The following ANK2 variants were observed in gnomAD, a reference collection of about 807,000 sequenced individuals.
ANK2 encodes the protein ankyrin-2.
A neutral mutation model predicts 360.5 loss-of-function variants in ANK2; 83 were observed. That is an observed-to-expected ratio of 0.23 (90% confidence interval 0.19 to 0.28). The LOEUF (loss-of-function observed/expected upper bound fraction) is 0.28. Among genes scored for constraint, ANK2 ranks in the 10% least tolerant of loss-of-function variants. ANK2 has a pLI of 1.00. For missense variants in ANK2, 4,201 were observed against 4,795.7 expected, an observed-to-expected ratio of 0.88 and a Z score of 3.66; for synonymous variants, 1,740 against 1,759.5, an observed-to-expected ratio of 0.99 and a Z score of 0.28.
chr4:112,841,776 C>T (rs1343130483), intron 1 of ANK2, among the ~76,000 whole-genome samples: 2 of 152,194 alleles, frequency 1.3e-5, no homozygotes, highest in African/African-American at 4.8e-5. Flanking sequence ...CTAGCTGTGT[C>T]CGCACTTGTA....
At chr4:113,142,688 T>C (rs1321779063) in intron 1 of ANK2, among the ~76,000 whole-genome samples, 4 of 152,014 alleles carry the variant, frequency 2.6e-5, no homozygotes, top group African/African-American at 9.7e-5. Flanking sequence ...AGAAAGTTTC[T>C]TTATTGGAGA....
chr4:113,017,385 A>C (rs1393741491), intron 2 of ANK2, among the ~76,000 whole-genome samples: 1 of 152,006 alleles, frequency 6.6e-6, no homozygotes, highest in Non-Finnish European at 1.5e-5. Flanking sequence ...AAAAAAGATG[A>C]AGCCCAGACT....
At chr4:112,723,027 T>C in the ANK2 span, among the ~76,000 whole-genome samples, 3 of 152,194 alleles carry the variant, frequency 2.0e-5, no homozygotes, top group African/African-American at 7.2e-5. Flanking sequence ...AAGAATGCCA[T>C]GTATTGAGTC....
At chr4:112,758,744 AC>A in the ANK2 span, among the ~76,000 whole-genome samples, 1 of 151,962 alleles carries the variant, frequency 6.6e-6, no homozygotes, top group Non-Finnish European at 1.5e-5. Context: ...TCTTCTCAAA[AC>A]CCTTTGCCAA....
intron 26 of ANK2, among the ~76,000 whole-genome samples, chr4:113,319,752 A>G (rs980765125): frequency 2.0e-5 from 3 of 152,170 alleles, no homozygotes; most frequent in African/African-American, 7.2e-5. Flanking sequence ...AGAATAAAAA[A>G]CAAATTACAC....
intron 2 of ANK2, among the ~76,000 whole-genome samples, chr4:112,981,782 G>A (rs531000190): frequency 5.9e-5 from 9 of 152,174 alleles, no homozygotes; most frequent in Non-Finnish European, 1.3e-4. Flanking sequence ...AGGAAGTTTG[G>A]GCTGGAGATA....
chr4:113,046,538 G>GC (rs777595423), upstream of ANK2, among the ~76,000 whole-genome samples: 32 of 152,108 alleles, frequency 2.1e-4, no homozygotes, highest in Admixed American at 5.9e-4. Context: ...AACTAGGTAG[G>GC]CCCTTTTTGC....
At chr4:112,974,481 A>G (rs574288018) in intron 2 of ANK2, among the ~76,000 whole-genome samples, 4 of 152,188 alleles carry the variant, frequency 2.6e-5, no homozygotes, top group Non-Finnish European at 5.9e-5. Context: ...GAATTGTAAG[A>G]TTTCTGTGAA....
intron 2 of ANK2, among the ~76,000 whole-genome samples, chr4:113,191,790 C>T (rs1470669125): frequency 3.3e-5 from 5 of 152,140 alleles, no homozygotes; most frequent in African/African-American, 4.8e-5. Flanking sequence ...GGACATTTCC[C>T]TTTTTTACTA....
chr4:113,194,702 TATC>T (rs2098722899), intron 2 of ANK2, among the ~76,000 whole-genome samples: 1 of 152,174 alleles, frequency 6.6e-6, no homozygotes, highest in Non-Finnish European at 1.5e-5. Context: ...TCAAAGATGA[TATC>T]ATGTCTGGAA....
the ANK2 span, among the ~76,000 whole-genome samples, chr4:112,809,800 A>C: frequency 5.4e-5 from 8 of 148,946 alleles, no homozygotes; most frequent in African/African-American, 2.0e-4. Context: ...GCGCAACTGC[A>C]CTCCAGCCTG....
intron 45 of ANK2, among the ~76,000 whole-genome samples, chr4:113,377,181 C>T (rs138624602): frequency 6.4e-4 from 97 of 152,062 alleles, no homozygotes; most frequent in African/African-American, 2.2e-3. Flanking sequence ...GTAACATAGT[C>T]ATTTATTATC....
intron 1 of ANK2, among the ~76,000 whole-genome samples, chr4:113,123,279 G>T (rs1270230273): frequency 2.6e-5 from 4 of 151,778 alleles, no homozygotes; most frequent in Non-Finnish European, 4.4e-5. Flanking sequence ...TTCACCAATT[G>T]ATTAAAAATA....
chr4:113,088,750 T>G (rs2086189285), intron 1 of ANK2, among the ~76,000 whole-genome samples: 2 of 152,164 alleles, frequency 1.3e-5, no homozygotes, highest in Non-Finnish European at 2.9e-5. Context: ...TCACAATTGT[T>G]GCACAGACAT....
At chr4:112,829,067 C>T (rs995359831) in intron 1 of ANK2, among the ~76,000 whole-genome samples, 6 of 152,034 alleles carry the variant, frequency 3.9e-5, no homozygotes, top group South Asian at 2.1e-4. Context: ...GCATAAGAAT[C>T]GCTTGAACCC....
Position 112,909,369 on chromosome 4 carries a change from G to T in ANK2, c.21+4855G>T, listed in dbSNP as rs1004055828. Among the ~76,000 whole-genome samples the T allele has an allele frequency of 5.9e-5, 9 of 152,260 alleles. No homozygotes were observed. In the East Asian group the frequency reaches 1.7e-3, roughly 29 times the overall value. On this transcript the variant is annotated intron_variant, in intron 2 of 30. Transcript: ENST00000503271. ...ACATACATAATTGGGAGTAATGATA[G>T]AGTTAAGTTTGTTAATCTTAATCCA...
At chr4:112,763,889 C>T in the ANK2 span, among the ~76,000 whole-genome samples, 2 of 152,110 alleles carry the variant, frequency 1.3e-5, no homozygotes, top group African/African-American at 4.8e-5. Context: ...CTCCTTGGAT[C>T]TCTCACTCAC....
chr4:113,077,927 C>T (rs1184352539), intron 1 of ANK2, among the ~76,000 whole-genome samples: 1 of 152,158 alleles, frequency 6.6e-6, no homozygotes, highest in Non-Finnish European at 1.5e-5. Flanking sequence ...TCTGCTCAGG[C>T]AGTAAATATG....
At chr4:113,064,188 C>T (rs2074700172) in intron 1 of ANK2, among the ~76,000 whole-genome samples, 2 of 152,052 alleles carry the variant, frequency 1.3e-5, no homozygotes. Context: ...AATTTTTCCT[C>T]ATTAATTTTT....
Sources: allele counts gnomAD v4.1 joint callset (sites outside exome capture counted in the v4.1 genomes callset), GRCh38; gene constraint gnomAD v4.1.1; transcripts MANE v1.5; gene names NCBI Gene and HGNC (gene_info 2026-07-23, HGNC 2026-07-21).